BICD1: variants seen among roughly 807,000 people sequenced by gnomAD.
The protein encoded by BICD1 is protein bicaudal D homolog 1.
In BICD1, 35 loss-of-function variants were observed where a neutral mutation model predicts 92.5. The observed-to-expected ratio is 0.38, with a 90% CI of 0.29 to 0.50. The LOEUF (loss-of-function observed/expected upper bound fraction) is 0.50, where lower values mean the gene tolerates loss of function less well. Ranked by LOEUF, BICD1 falls within the 20% of genes least tolerant of loss-of-function variation. The pLI is 0.93. For synonymous variants in BICD1, 429 were observed against 465.1 expected (o/e 0.92, Z 1.00); for missense variants, 950 against 1,189.8 (o/e 0.80, Z 2.97).
rs570753972 is a variant in BICD1, at chr12:32,286,749, T to G, written c.427-7245T>G. 9.2e-5 allele frequency among the ~76,000 whole-genome samples: 14 copies of G among 152,324 alleles called. No homozygotes were observed. In the South Asian group the frequency reaches 1.4e-3, roughly 16 times the overall value. On this transcript the variant is annotated intron_variant, in intron 2 of 9. Coordinates refer to ENST00000652176, the MANE Select transcript of BICD1 (RefSeq NM_001714.4). Reference sequence around the variant, plus strand: ...ATATATTTTTTGGGGGATTAATCACTTGTATACCTGTTTTATTATTCATTC... The same window carrying G: ...ATATATTTTTTGGGGGATTAATCACGTGTATACCTGTTTTATTATTCATTC...
chr12:32,188,995 C>G (rs1162992367), intron 1 of BICD1, among the ~76,000 whole-genome samples: 1 of 152,184 alleles, frequency 6.6e-6, no homozygotes, highest in African/African-American at 2.4e-5. Flanking sequence ...TTTCTTGAAC[C>G]TTCTCACTAA....
chr12:32,268,535 C>T (rs1324459145), intron 2 of BICD1, among the ~76,000 whole-genome samples: 1 of 152,210 alleles, frequency 6.6e-6, no homozygotes, highest in Non-Finnish European at 1.5e-5. Context: ...GTCGCTCATG[C>T]CTGTAATCTT....
intron 4 of BICD1, among the ~76,000 whole-genome samples, chr12:32,316,535 A>C (rs1469100718): frequency 1.3e-5 from 2 of 150,538 alleles, no homozygotes; most frequent in African/African-American, 2.4e-5. Flanking sequence ...TCCTGACCTC[A>C]GGCAATCCAC....
At chr12:32,356,191 A>G (rs1173756199) in intron 8 of BICD1, among the ~76,000 whole-genome samples, 2 of 152,162 alleles carry the variant, frequency 1.3e-5, no homozygotes, top group Non-Finnish European at 2.9e-5. Context: ...GTTCTCACTT[A>G]AACGGATAGA....
In BICD1 at chr12:32,306,129, A is replaced by G; in HGVS notation, c.1005+7A>G. The G allele has an allele frequency of 6.4e-7, 1 of 1,574,450 alleles. No individual in the cohort carries two copies. The highest frequency in any genetic ancestry group is 1.4e-5 in the African/African-American group (1 of 73,460). ...GAAGCAGCAGCTTATGCAGGTAAGA[A>G]CTTTGTTTAGGGCCGCTAGAGTGAA... On this transcript the variant is annotated splice_region_variant and intron_variant, in intron 4 of 9. Coordinates refer to ENST00000652176, the MANE Select transcript of BICD1 (RefSeq NM_001714.4).
chr12:32,316,886 T>G (rs1948519413), intron 4 of BICD1, among the ~76,000 whole-genome samples: 1 of 152,076 alleles, frequency 6.6e-6, no homozygotes, highest in Non-Finnish European at 1.5e-5. Flanking sequence ...CCCCGGTGTG[T>G]GATGTTCCCC....
At chr12:32,176,763 C>A (rs1223800169) in intron 1 of BICD1, among the ~76,000 whole-genome samples, 1 of 152,086 alleles carries the variant, frequency 6.6e-6, no homozygotes, top group Non-Finnish European at 1.5e-5. Context: ...CTTTTTATTG[C>A]TGAGAGCACT....
At chr12:32,276,575 G>A (rs1947281305) in intron 2 of BICD1, among the ~76,000 whole-genome samples, 1 of 152,108 alleles carries the variant, frequency 6.6e-6, no homozygotes, top group South Asian at 2.1e-4. Context: ...TATAAACCCA[G>A]GCATTCGAGC....
chr12:32,171,253 GT>G (rs1943926936), intron 1 of BICD1, among the ~76,000 whole-genome samples: 1 of 152,218 alleles, frequency 6.6e-6, no homozygotes, highest in Non-Finnish European at 1.5e-5. Flanking sequence ...CATGCCTGGT[GT>G]CCCATGCCCT....
At chr12:32,187,944 A>ATT (rs35813557) in intron 1 of BICD1, among the ~76,000 whole-genome samples, 185 of 147,430 alleles carry the variant, frequency 1.3e-3, no homozygotes, top group Admixed American at 3.4e-3. Flanking sequence ...CTATAAATGC[A>ATT]TTTTTTTTTT....
intron 1 of BICD1, 46 bp downstream of exon 1, chr12:32,107,590 A>G: frequency 6.5e-7 from 1 of 1,526,752 alleles, no homozygotes; most frequent in Non-Finnish European, 8.8e-7. Flanking sequence ...CACTCCCCCC[A>G]CCCGCAAGGC....
chr12:32,234,700 G>A (rs1946011940), intron 2 of BICD1, among the ~76,000 whole-genome samples: 1 of 131,108 alleles, frequency 7.6e-6, no homozygotes, highest in Admixed American at 8.1e-5. Context: ...TGGAGTTAGA[G>A]TCTCTCACTC....
intron 1 of BICD1, among the ~76,000 whole-genome samples, chr12:32,128,704 T>C (rs1942429642): frequency 6.6e-6 from 1 of 152,236 alleles, no homozygotes; most frequent in African/African-American, 2.4e-5. Flanking sequence ...ACTTGAGTTT[T>C]TTTCCTGTCA....
In BICD1 at chr12:32,320,883, C is replaced by T. The variant is rs1948637645; in HGVS notation, c.1006-6578C>T. ...TAGGAAGAGAAATAAGACAACTATT[C>T]TCAGTCACTACAGAAGATCATAATA... On this transcript the variant is annotated intron_variant, in intron 4 of 9. Coordinates refer to ENST00000652176, the MANE Select transcript of BICD1 (RefSeq NM_001714.4). Among the ~76,000 whole-genome samples the T allele has an allele frequency of 3.9e-5, 6 of 152,184 alleles. No individual in the cohort carries two copies. In the Middle Eastern group the frequency reaches 0.02, roughly 518 times the overall value.
At chr12:32,196,380 C>G (rs1385923695) in intron 1 of BICD1, among the ~76,000 whole-genome samples, 3 of 152,164 alleles carry the variant, frequency 2.0e-5, no homozygotes, top group South Asian at 2.1e-4. Flanking sequence ...TGGAAACAAC[C>G]TAAGTATCTG....
chr12:32,291,567 G>A (rs1431158812), intron 2 of BICD1, among the ~76,000 whole-genome samples: 2 of 151,910 alleles, frequency 1.3e-5, no homozygotes, highest in Admixed American at 6.6e-5. Flanking sequence ...AGAAGTCTGG[G>A]CACAGTGGCT....
intron 1 of BICD1, among the ~76,000 whole-genome samples, chr12:32,182,278 C>CTTTCTTT (rs1198874082): frequency 2.5e-5 from 2 of 81,432 alleles, no homozygotes; most frequent in South Asian, 4.6e-4. Context: ...TTCTTTCTTT[C>CTTTCTTT]TTTTTTTTTT....
At position 32,247,375 on chromosome 12, in the gene BICD1, A is replaced by G. The variant is rs187827109; in HGVS notation, c.426+30916A>G. Among the ~76,000 whole-genome samples the G allele has an allele frequency of 1.1e-3, 166 of 152,326 alleles. 1 individual carries two copies. The highest frequency in any genetic ancestry group is 2.1e-3 in the Non-Finnish European group (144 of 68,036). Reference sequence around the variant, plus strand: ...TCATCAGTGAATAGATGACATTTTAAGCCATGGGCTTGGAGGAGATAACCT... The same window carrying G: ...TCATCAGTGAATAGATGACATTTTAGGCCATGGGCTTGGAGGAGATAACCT... On this transcript the variant is annotated intron_variant, in intron 2 of 9. Coordinates refer to ENST00000652176, the MANE Select transcript of BICD1 (RefSeq NM_001714.4).
At chr12:32,251,357 C>A (rs1946516141) in intron 2 of BICD1, among the ~76,000 whole-genome samples, 1 of 152,176 alleles carries the variant, frequency 6.6e-6, no homozygotes, top group South Asian at 2.1e-4. Context: ...TAACAAATTA[C>A]CACAAACTTT....
Sources: allele counts gnomAD v4.1 joint callset (sites outside exome capture counted in the v4.1 genomes callset), GRCh38; gene constraint gnomAD v4.1.1; transcripts MANE v1.5; gene names NCBI Gene and HGNC (gene_info 2026-07-23, HGNC 2026-07-21).